Variants in GTF2F1 observed in about 807,000 individuals in gnomAD.
GTF2F1 encodes general transcription factor IIF 74 kDa subunit.
Under a neutral mutation model 63.5 loss-of-function variants are expected in GTF2F1, and 39 were observed. The observed-to-expected ratio is 0.61, with a 90% CI of 0.48 to 0.80. The LOEUF is 0.80. Ranked by LOEUF, GTF2F1 falls within the 30% of genes least tolerant of loss-of-function variation. GTF2F1 has a pLI of 0.00. For synonymous variants in GTF2F1, 287 were observed against 285.3 expected (o/e 1.01, Z -0.06); for missense variants, 657 against 718.3 (o/e 0.91, Z 0.97).
rs2091940297 is a variant in GTF2F1 at position 6,380,040 on chromosome 19, G to C, written c.*241C>G. On this transcript the variant is annotated 3_prime_UTR_variant, in exon 13 of 13. Transcript: ENST00000394456. This position sits in a 1 kb window ranked among gnomAD's most constrained non-coding sequence, Gnocchi z 5.3. ...CCAGGAGGAGGAGGACAATAAGAAG[G>C]CCTAACAGGCATCTGAAGATTCCAG... 1.7e-6 allele frequency: 1 copy of C among 581,242 alleles called. No individual in the cohort carries two copies. Among genetic ancestry groups the C allele is most frequent in the Non-Finnish European group, 3.1e-6 (1 of 325,540 alleles). 36.0% of individuals were successfully genotyped at this position (581,242 alleles called of 1,614,324 possible).
At position 6,387,387 on chromosome 19, in the gene GTF2F1, A is replaced by C; in HGVS notation, c.497+2T>G. 6.2e-7 allele frequency: 1 copy of C among 1,612,648 alleles called. No homozygotes were observed. Among genetic ancestry groups the C allele is most frequent in the Non-Finnish European group, 8.5e-7 (1 of 1,179,360 alleles). Reference sequence around the variant, plus strand: ...TCCCCAGCCACCACCCAGCCCACTCACCTCTCCCACTCCTCCTCGGCCTCC... The same window carrying C: ...TCCCCAGCCACCACCCAGCCCACTCCCCTCTCCCACTCCTCCTCGGCCTCC... On this transcript the variant is annotated splice_donor_variant, in intron 5 of 12. Coordinates refer to ENST00000394456, the MANE Select transcript of GTF2F1 (RefSeq NM_002096.3). LOFTEE classifies it high-confidence loss of function.
intron 4 of GTF2F1, among the ~76,000 whole-genome samples, chr19:6,387,986 G>A (rs1327981147): frequency 1.3e-5 from 2 of 149,900 alleles, no homozygotes; most frequent in Admixed American, 6.7e-5. Flanking sequence ...CTGGAGTGCA[G>A]TGGCACCATC....
rs2091978000 is a variant in GTF2F1, at chr19:6,387,446, G to A, written c.440C>T (p.Thr147Ile). 1.2e-6 allele frequency: 2 copies of A among 1,614,260 alleles called. No homozygotes were observed. Among genetic ancestry groups the A allele is most frequent in the Middle Eastern group, 1.6e-4 (1 of 6,062 alleles). Residue 147 changes from threonine to isoleucine, a missense_variant, in exon 5 of 13, where the codon ACA becomes ATA. By Grantham distance (89) the Thr-to-Ile change is moderately conservative (BLOSUM62 -1). Coordinates refer to ENST00000394456, the MANE Select transcript of GTF2F1 (RefSeq NM_002096.3). ...GAGCGTGCGATGCCGGGCCAGCGGT[G>A]TGAAATTGTACCAGTTGTGCACGGG... ...AFPVHNWYNF[T>I]PLARHRTLTA...
chr19:6,391,819 T>C, intron 3 of GTF2F1, 83 bp downstream of exon 3: 1 of 688,754 alleles, frequency 1.5e-6, no homozygotes, highest in Non-Finnish European at 2.5e-6. Flanking sequence ...ACTATGACAG[T>C]TAAGCAACTA....
In GTF2F1 at chr19:6,381,900, G is replaced by A. The variant is rs1205747884; in HGVS notation, c.683-50C>T. 3 of 1,463,144 alleles carry A rather than the reference G, an allele frequency of 2.1e-6. No individual in the cohort carries two copies. The highest frequency in any genetic ancestry group is 2.3e-5 in the East Asian group (1 of 44,122). The allele number at this position is 1,463,144 out of a possible 1,614,324, so 90.6% of individuals were successfully genotyped here. On this transcript the variant is annotated intron_variant, in intron 6 of 12. Transcript: ENST00000394456. This position sits in a 1 kb window ranked among gnomAD's most constrained non-coding sequence, Gnocchi z 4.1. ...AGGAGGGAAAGTGAGGAGGAAGGCA[G>A]TGGGTATTTATTGTGTTTTTCACAT...
rs1242039929 is a variant in GTF2F1, at chr19:6,381,795, T to C, written c.738A>G (p.Lys246=). The change falls in exon 7 of 13, where the codon AAA becomes AAG. Residue 246 remains lysine (K), a synonymous_variant. Coordinates refer to ENST00000394456, the MANE Select transcript of GTF2F1 (RefSeq NM_002096.3). The surrounding 1 kb of genome is among the most constrained non-coding windows in gnomAD (Gnocchi z 4.1). ...CGTCTGAACCCTTCTTCTTCTTCTTTTTCCTGCCGCCCTTGGCCAGCGGCG... is the reference window on the plus strand; with the variant it reads ...CGTCTGAACCCTTCTTCTTCTTCTTCTTCCTGCCGCCCTTGGCCAGCGGCG... ...KKAPLAKGGR[K]KKKKKGSDDE... is the part of the protein sequence containing the mutation. 3 of 1,613,930 alleles carry C rather than the reference T, an allele frequency of 1.9e-6. No homozygotes were observed. The South Asian group carries it at 3.3e-5, about 18-fold the overall frequency.
Position 6,380,033 on chromosome 19 carries a change from T to C in GTF2F1, c.*248A>G. On this transcript the variant is annotated 3_prime_UTR_variant, in exon 13 of 13. Coordinates refer to ENST00000394456, the MANE Select transcript of GTF2F1 (RefSeq NM_002096.3). This position sits in a 1 kb window ranked among gnomAD's most constrained non-coding sequence, Gnocchi z 5.3. ...GGCCGAGCCAGGAGGAGGAGGACAATAAGAAGGCCTAACAGGCATCTGAAG... is the reference window on the plus strand; with the variant it reads ...GGCCGAGCCAGGAGGAGGAGGACAACAAGAAGGCCTAACAGGCATCTGAAG... The C allele has an allele frequency of 1.8e-6, 1 of 567,206 alleles. No individual in the cohort carries two copies. Among genetic ancestry groups the C allele is most frequent in the Non-Finnish European group, 3.2e-6 (1 of 316,660 alleles). 35.1% of individuals were successfully genotyped at this position (567,206 alleles called of 1,614,324 possible).
intron 2 of GTF2F1, chr19:6,392,220 G>A (rs1234773969): frequency 1.8e-6 from 1 of 554,372 alleles, no homozygotes; most frequent in African/African-American, 1.9e-5. Context: ...CATTCAGCCT[G>A]TTTTGCCTGG....
In GTF2F1 at chr19:6,381,295, G is replaced by C. The variant is rs1599209002; in HGVS notation, c.1018+64C>G. On this transcript the variant is annotated intron_variant, in intron 9 of 12. Coordinates refer to ENST00000394456, the MANE Select transcript of GTF2F1 (RefSeq NM_002096.3). This position sits in a 1 kb window ranked among gnomAD's most constrained non-coding sequence, Gnocchi z 4.1. ...TGAGGGAGGCCTGCAGGGGAGAGGG[G>C]AGGAGGTGGCAGGGCGCCAGGGCCC... The C allele has an allele frequency of 8.4e-6, 13 of 1,546,052 alleles. 2 individuals carry two copies. Among genetic ancestry groups the C allele is most frequent in the Non-Finnish European group, 8.7e-7 (1 of 1,144,646 alleles).
intron 5 of GTF2F1, chr19:6,387,077 C>T: frequency 2.9e-6 from 1 of 340,456 alleles, no homozygotes; most frequent in East Asian, 6.4e-5. Context: ...GAGCTGCTGC[C>T]CTGCAGTGGA....
In GTF2F1 at chr19:6,380,578, G is replaced by A. The variant is rs771895027; in HGVS notation, c.1344C>T (p.Asn448=). ...PQPPSGKTTP[N]SGDVQVTEDA... ...TGCTGTCCTCGTCAACTTACCCGCT[G>A]TTGGGTGTTGTCTTGCCTGATGGTG... Residue 448 remains asparagine, a synonymous_variant, in exon 12 of 13, where the codon AAC becomes AAT. Transcript: ENST00000394456. The surrounding 1 kb of genome is among the most constrained non-coding windows in gnomAD (Gnocchi z 5.3). 19 of 1,613,940 alleles carry A rather than the reference G, an allele frequency of 1.2e-5. No individual in the cohort carries two copies. Among genetic ancestry groups the A allele is most frequent in the Non-Finnish European group, 1.6e-5 (19 of 1,179,874 alleles).
Position 6,380,218 on chromosome 19 carries a change from G to C in GTF2F1, c.*63C>G. ...TGTATTGGACAGAGCCTCACTCTAG[G>C]ATGGCGAAGGGGCAGTGAGAGCCTT... On this transcript the variant is annotated 3_prime_UTR_variant, in exon 13 of 13. Coordinates refer to ENST00000394456, the MANE Select transcript of GTF2F1 (RefSeq NM_002096.3). This position sits in a 1 kb window ranked among gnomAD's most constrained non-coding sequence, Gnocchi z 5.3. The C allele has an allele frequency of 7.4e-7, 1 of 1,345,058 alleles. No individual in the cohort carries two copies. The highest frequency in any genetic ancestry group is 1.1e-6 in the Non-Finnish European group (1 of 934,462). 83.3% of individuals were successfully genotyped at this position (1,345,058 alleles called of 1,614,324 possible). A position where few individuals can be genotyped will look rare whatever the true frequency, so the allele number is the denominator to read the frequency against.
rs541442995 is a variant in GTF2F1 at position 6,382,994 on chromosome 19, C to T, written c.682+317G>A. Among the ~76,000 whole-genome samples, 4 of 152,050 alleles carry T rather than the reference C, an allele frequency of 2.6e-5. No individual in the cohort carries two copies. The South Asian group carries it at 6.2e-4, about 24-fold the overall frequency. On this transcript the variant is annotated intron_variant, in intron 6 of 12. Coordinates refer to ENST00000394456, the MANE Select transcript of GTF2F1 (RefSeq NM_002096.3). ...TCGGCTCAACACAACCTCTATCTCA[C>T]GGGTTCAAGCAATTCTCCTGCCTCA...
intron 5 of GTF2F1, among the ~76,000 whole-genome samples, chr19:6,385,079 G>A (rs1568330435): frequency 1.3e-5 from 2 of 152,058 alleles, no homozygotes; most frequent in South Asian, 4.1e-4. Flanking sequence ...TCTTAGCTAA[G>A]TAGATTTAAC....
intron 5 of GTF2F1, chr19:6,387,062 G>T (rs1042749916): frequency 2.9e-5 from 9 of 306,910 alleles, no homozygotes; most frequent in Admixed American, 1.4e-4. Flanking sequence ...CGGGTGCCCT[G>T]CCTGGAGCTG....
At chr19:6,389,949 GTAAT>G (rs1381542677) in intron 3 of GTF2F1, among the ~76,000 whole-genome samples, 20 of 152,348 alleles carry the variant, frequency 1.3e-4, no homozygotes, top group Non-Finnish European at 2.1e-4. Context: ...GAATGTAGAA[GTAAT>G]TAATTAGACT....
rs917732129 is a variant in GTF2F1 at position 6,392,165 on chromosome 19, G to C, written c.60-191C>G. On this transcript the variant is annotated intron_variant, in intron 2 of 12. Transcript: ENST00000394456. ...TTCAATTCAATCATTCCATTCAATT[G>C]AATCATTAATTCAATTCAATTCACT... 7 of 648,466 alleles carry C rather than the reference G, an allele frequency of 1.1e-5. No homozygotes were observed. The African/African-American group carries it at 1.3e-4, about 12-fold the overall frequency. 40.2% of individuals were successfully genotyped at this position (648,466 alleles called of 1,614,324 possible). A position where few individuals can be genotyped will look rare whatever the true frequency, so the allele number is the denominator to read the frequency against.
At position 6,381,445 on chromosome 19, in the gene GTF2F1, CTCTCCTCACTACTGTCGCTCTGCTCA is replaced by C. The variant is rs747583947; in HGVS notation, c.906_931del (p.Asp302GlufsTer2). ...CTCCTCAGGCGGCTTCTCCTCCTCA[CTCTCCTCACTACTGTCGCTCTGCTCA>C]TCGACACCTGGGAGGGGCAGGGTAT... On this transcript the variant is annotated frameshift_variant, in exon 9 of 13. Transcript: ENST00000394456. LOFTEE classifies it high-confidence loss of function. This position sits in a 1 kb window ranked among gnomAD's most constrained non-coding sequence, Gnocchi z 4.1. The C allele has an allele frequency of 1.9e-6, 3 of 1,609,414 alleles. No homozygotes were observed. The Admixed American group carries it at 5.0e-5, about 27-fold the overall frequency.
chr19:6,384,164 T>C (rs557278087), intron 5 of GTF2F1, among the ~76,000 whole-genome samples: 13 of 151,896 alleles, frequency 8.6e-5, no homozygotes, highest in Non-Finnish European at 1.8e-4. Flanking sequence ...ACTGTTTCCA[T>C]TGGAACAATG....
Sources: gnomAD v4.1 joint callset for allele counts (sites outside exome capture counted in the v4.1 genomes callset) on GRCh38, gnomAD v4.1.1 for gene constraint, Gnocchi (gnomAD v3.1) non-coding constraint, MANE v1.5 for transcripts, NCBI Gene and HGNC (gene_info 2026-07-23, HGNC 2026-07-21) for gene names.